PEAK1: variants seen among roughly 807,000 people sequenced by gnomAD.
PEAK1 encodes the protein inactive tyrosine-protein kinase PEAK1.
A neutral mutation model predicts 124.7 loss-of-function variants in PEAK1; 54 were observed. The ratio of observed to expected loss-of-function variants is 0.43; its 90% CI spans 0.35 to 0.54. The LOEUF (loss-of-function observed/expected upper bound fraction) is 0.54, where lower values mean the gene tolerates loss of function less well. Ranked by LOEUF, PEAK1 falls within the 20% of genes least tolerant of loss-of-function variation. The pLI is 0.01. For missense variants in PEAK1, 2,046 were observed against 2,134.5 expected (o/e 0.96, Z 0.82); for synonymous variants, 719 against 760.0 (o/e 0.95, Z 0.89).
intron 5 of PEAK1, among the ~76,000 whole-genome samples, chr15:77,259,882 G>GT (rs999453273): frequency 3.3e-5 from 5 of 152,128 alleles, no homozygotes; most frequent in Non-Finnish European, 5.9e-5. Context: ...AGTGCAAGGA[G>GT]GCCAAGAAGG....
At chr15:77,349,668 C>A in intron 2 of PEAK1, 1 of 984,574 alleles carries the variant, frequency 1.0e-6, no homozygotes, top group Non-Finnish European at 1.2e-6. Flanking sequence ...ATTACTTAAT[C>A]AATCCTTTAC....
upstream of PEAK1, chr15:77,420,620 G>A (rs1435360752): frequency 6.4e-6 from 2 of 314,714 alleles, no homozygotes; most frequent in Non-Finnish European, 1.1e-5. Flanking sequence ...GCGGGCCTTC[G>A]CAATAAAAAA....
At chr15:77,106,008 G>A (rs1209723047), downstream of PEAK1, 1 of 152,218 alleles carries the variant, frequency 6.6e-6, no homozygotes, top group African/African-American at 2.4e-5. Context: ...AAAGGACAAA[G>A]TGATCCCACT....
chr15:77,362,996 C>T (rs1310415130), intron 2 of PEAK1, among the ~76,000 whole-genome samples: 1 of 152,110 alleles, frequency 6.6e-6, no homozygotes, highest in East Asian at 1.9e-4. Context: ...GCTGGGATTA[C>T]AGATGCTCAC....
At position 77,109,922 on chromosome 15, in the gene PEAK1, T is replaced by G; in HGVS notation, c.*4234A>C. 1 of 152,230 alleles carries G rather than the reference T, an allele frequency of 6.6e-6. No homozygotes were observed. Among genetic ancestry groups the G allele is most frequent in the East Asian group, 1.9e-4 (1 of 5,204 alleles). 9.4% of individuals were successfully genotyped at this position (152,230 alleles called of 1,614,324 possible). A position where few individuals can be genotyped will look rare whatever the true frequency, so the allele number is the denominator to read the frequency against. On this transcript the variant is annotated 3_prime_UTR_variant, in exon 10 of 10. Coordinates refer to ENST00000682557, the MANE Select transcript of PEAK1 (RefSeq NM_001385026.1). ...AGTATCCTAAATCCATCTCTATTTC[T>G]GTGACTAGCCTGTACTTTTTCAGAT...
rs34603921 is a variant in PEAK1 at position 77,313,692 on chromosome 15, G to GTGTGTATA, written c.-602-27189_-602-27188insTATACACA. ...TGTGTGTGTGTGTGTGTGTGTGTGT[G>GTGTGTATA]TATATATATATATGTATGTGTGTGT... On this transcript the variant is annotated intron_variant, in intron 2 of 9. Coordinates refer to ENST00000682557, the MANE Select transcript of PEAK1 (RefSeq NM_001385026.1). Among the ~76,000 whole-genome samples, 302 of 98,760 alleles carry GTGTGTATA rather than the reference G, an allele frequency of 3.1e-3. 3 individuals are homozygous for GTGTGTATA. Among genetic ancestry groups the GTGTGTATA allele is most frequent in the African/African-American group, 0.011 (272 of 24,098 alleles). The allele number at this position is 98,760 out of a possible 152,430, so 64.8% of individuals were successfully genotyped here.
intron 1 of PEAK1, chr15:77,419,141 G>T (rs2073137438): frequency 1.0e-6 from 1 of 985,290 alleles, no homozygotes; most frequent in Non-Finnish European, 1.2e-6. Flanking sequence ...TCAAATTCCT[G>T]AACTTGGATC....
At chr15:77,230,890 T>C (rs2059884936) in intron 6 of PEAK1, among the ~76,000 whole-genome samples, 1 of 151,926 alleles carries the variant, frequency 6.6e-6, no homozygotes, top group Admixed American at 6.6e-5. Flanking sequence ...GTAAGAAGCA[T>C]AATTTGGTTT....
At chr15:77,124,443 CT>C (rs2152727282) in intron 9 of PEAK1, among the ~76,000 whole-genome samples, 1 of 152,300 alleles carries the variant, frequency 6.6e-6, no homozygotes, top group East Asian at 1.9e-4. Context: ...ATCTTTCTGG[CT>C]TTTCTGATTC....
intron 5 of PEAK1, among the ~76,000 whole-genome samples, chr15:77,274,669 G>A (rs1197208477): frequency 2.0e-5 from 3 of 151,972 alleles, no homozygotes; most frequent in Non-Finnish European, 4.4e-5. Flanking sequence ...AAACATAGAT[G>A]TTGGTGTGGA....
At chr15:77,405,729 C>T (rs2071766498) in intron 1 of PEAK1, among the ~76,000 whole-genome samples, 1 of 152,116 alleles carries the variant, frequency 6.6e-6, no homozygotes, top group African/African-American at 2.4e-5. Context: ...ATATCCATTC[C>T]TAGGGACAAG....
Position 77,263,395 on chromosome 15 carries a change from A to G in PEAK1, c.-274-10869T>C, listed in dbSNP as rs181865221. On this transcript the variant is annotated intron_variant, in intron 5 of 9. Transcript: ENST00000682557. ...AGAAGAAAAGAGAGAAGAATCAAAT[A>G]GACGTAATAAAAAATGATAAACGGG... Among the ~76,000 whole-genome samples the G allele has an allele frequency of 7.9e-5, 12 of 152,306 alleles. No individual in the cohort carries two copies. The East Asian group carries it at 1.7e-3, about 22-fold the overall frequency.
At position 77,182,018 on chromosome 15, in the gene PEAK1, C is replaced by A; in HGVS notation, c.-92G>T. 5 of 1,484,076 alleles carry A rather than the reference C, an allele frequency of 3.4e-6. No individual in the cohort carries two copies. Among genetic ancestry groups the A allele is most frequent in the Non-Finnish European group, 4.4e-6 (5 of 1,124,084 alleles). The allele number at this position is 1,484,076 out of a possible 1,614,324, so 91.9% of individuals were successfully genotyped here. A position where few individuals can be genotyped will look rare whatever the true frequency, so the allele number is the denominator to read the frequency against. On this transcript the variant is annotated 5_prime_UTR_variant, in exon 7 of 10. Transcript: ENST00000682557. ...TTTTCACTTCCCCTATGTGTTACAGCAGCTCTTCTAAGAATGATCAATCTG... is the reference window on the plus strand; with the variant it reads ...TTTTCACTTCCCCTATGTGTTACAGAAGCTCTTCTAAGAATGATCAATCTG...
intron 5 of PEAK1, among the ~76,000 whole-genome samples, chr15:77,253,217 C>G (rs1296751614): frequency 7.2e-6 from 1 of 138,434 alleles, no homozygotes. Flanking sequence ...TATAAAGAAC[C>G]TGAGCATCTG....
rs2050840426 is a variant in PEAK1, at chr15:77,109,113, A to G, written c.*5043T>C. 6.6e-6 allele frequency: 1 copy of G among 152,192 alleles called. No homozygotes were observed. Among genetic ancestry groups the G allele is most frequent in the Admixed American group, 6.5e-5 (1 of 15,288 alleles). 9.4% of individuals were successfully genotyped at this position (152,192 alleles called of 1,614,324 possible). ...TAGGAAGGTTTATAAAAACAATTAC[A>G]ATTTGTTAAGAAATTTCCCAAGAGT... On this transcript the variant is annotated 3_prime_UTR_variant, in exon 10 of 10. Coordinates refer to ENST00000682557, the MANE Select transcript of PEAK1 (RefSeq NM_001385026.1).
chr15:77,407,223 G>C (rs1339951403), intron 1 of PEAK1, among the ~76,000 whole-genome samples: 1 of 152,104 alleles, frequency 6.6e-6, no homozygotes, highest in African/African-American at 2.4e-5. Context: ...AAGACTTCAT[G>C]TCCAAGAACC....
At chr15:77,252,027 C>A (rs561967090) in intron 6 of PEAK1, among the ~76,000 whole-genome samples, 9 of 152,238 alleles carry the variant, frequency 5.9e-5, no homozygotes, top group Non-Finnish European at 8.8e-5. Flanking sequence ...CTCTGGCTTG[C>A]CCTTTAATTC....
intron 1 of PEAK1, among the ~76,000 whole-genome samples, chr15:77,412,852 C>A (rs911202583): frequency 1.3e-5 from 2 of 151,716 alleles, no homozygotes; most frequent in African/African-American, 4.8e-5. Flanking sequence ...CATGTACATA[C>A]GCATAAAAAA....
chr15:77,218,243 A>C (rs4886856), intron 6 of PEAK1, among the ~76,000 whole-genome samples: 1 of 151,922 alleles, frequency 6.6e-6, no homozygotes, highest in African/African-American at 2.4e-5. Context: ...CTATCTGTAG[A>C]TTTTTTTGGT....
Sources: allele counts gnomAD v4.1 joint callset (sites outside exome capture counted in the v4.1 genomes callset), GRCh38; gene constraint gnomAD v4.1.1; transcripts MANE v1.5; gene names NCBI Gene and HGNC (gene_info 2026-07-23, HGNC 2026-07-21).